The following ECHDC1 variants were observed in gnomAD, a reference collection of about 807,000 sequenced individuals.
ECHDC1 encodes the protein ethylmalonyl-CoA decarboxylase.
ECHDC1 carries 29 observed loss-of-function variants against 29.7 expected under a neutral mutation model. The ratio of observed to expected loss-of-function variants is 0.98; its 90% confidence interval spans 0.73 to 1.33. The LOEUF (loss-of-function observed/expected upper bound fraction) is 1.33, where lower values mean the gene tolerates loss of function less well. ECHDC1 is among the 40% of genes most tolerant of loss of function. The pLI is 0.00. For missense variants in ECHDC1, 328 were observed against 350.0 expected, an observed-to-expected ratio of 0.94 and a Z score of 0.50; for synonymous variants, 126 against 123.1, an observed-to-expected ratio of 1.02 and a Z score of -0.15.
At chr6:127,332,788 T>C (rs898242993) in intron 1 of ECHDC1, among the ~76,000 whole-genome samples, 4 of 152,062 alleles carry the variant, frequency 2.6e-5, no homozygotes, top group African/African-American at 9.7e-5. Context: ...GACTTGCTTT[T>C]TGGGGGCAGG....
At chr6:127,322,936 T>C (rs1486942934) in intron 3 of ECHDC1, among the ~76,000 whole-genome samples, 2 of 152,046 alleles carry the variant, frequency 1.3e-5, no homozygotes, top group African/African-American at 2.4e-5. Flanking sequence ...AATACATATA[T>C]ATAGGTTGAG....
intron 1 of ECHDC1, chr6:127,342,332 C>T (rs1322090137): frequency 2.6e-6 from 4 of 1,540,896 alleles, no homozygotes; most frequent in Non-Finnish European, 1.8e-6. Flanking sequence ...TCCAACTACC[C>T]TGTTTATAAT....
At chr6:127,302,770 A>G (rs1781150241) in intron 5 of ECHDC1, among the ~76,000 whole-genome samples, 1 of 152,178 alleles carries the variant, frequency 6.6e-6, no homozygotes, top group Non-Finnish European at 1.5e-5. Context: ...TATATATTTC[A>G]TAACTACCTG....
intron 2 of ECHDC1, among the ~76,000 whole-genome samples, chr6:127,327,937 T>C (rs990798528): frequency 2.2e-4 from 33 of 152,358 alleles, no homozygotes; most frequent in African/African-American, 7.9e-4. Context: ...GTTTTCAACA[T>C]GACTAGTTTT....
intron 5 of ECHDC1, chr6:127,294,823 G>C (rs1582926825): frequency 6.7e-6 from 1 of 148,352 alleles, no homozygotes; most frequent in Non-Finnish European, 1.5e-5. Context: ...CTCCTATTCA[G>C]AGTAAAGTTA....
intron 5 of ECHDC1, among the ~76,000 whole-genome samples, chr6:127,311,696 AAAG>A (rs1781936173): frequency 2.2e-5 from 2 of 89,596 alleles, no homozygotes; most frequent in East Asian, 3.5e-4. Flanking sequence ...AAAAAAAAAA[AAAG>A]AAAAGAAAAA....
In ECHDC1 at chr6:127,311,966, G is replaced by A. The variant is rs140255633; in HGVS notation, c.497+2850C>T. Among the ~76,000 whole-genome samples, 61 of 151,842 alleles carry A rather than the reference G, an allele frequency of 4.0e-4. No individual in the cohort carries two copies. In the East Asian group the frequency reaches 0.011, roughly 27 times the overall value. On this transcript the variant is annotated intron_variant, in intron 5 of 5. Transcript: ENST00000454859. ...ATATGGGAGTTATATGTATGATTTC[G>A]TCAAGTTTTTCATAAGTGTATAGTT...
intron 2 of ECHDC1, among the ~76,000 whole-genome samples, chr6:127,327,865 T>G (rs955452206): frequency 6.6e-6 from 1 of 152,246 alleles, no homozygotes; most frequent in Non-Finnish European, 1.5e-5. Flanking sequence ...CATTTTAAGA[T>G]CTAATCAATA....
chr6:127,316,393 G>C (rs1387584170), intron 4 of ECHDC1, 57 bp downstream of exon 4: 5 of 1,418,266 alleles, frequency 3.5e-6, no homozygotes, highest in Non-Finnish European at 4.9e-6. Flanking sequence ...TAATGGAATA[G>C]CAAAAAGCTA....
intron 5 of ECHDC1, among the ~76,000 whole-genome samples, chr6:127,297,116 T>A (rs766199245): frequency 3.9e-5 from 6 of 152,246 alleles, no homozygotes; most frequent in Non-Finnish European, 8.8e-5. Context: ...GTAGGCTCTG[T>A]TGACAAGGCT....
intron 1 of ECHDC1, among the ~76,000 whole-genome samples, chr6:127,333,012 C>T (rs1225349428): frequency 6.6e-6 from 1 of 152,194 alleles, no homozygotes; most frequent in African/African-American, 2.4e-5. Context: ...AGGCTGATCT[C>T]AAGTTCCTGG....
chr6:127,314,985 T>A, intron 4 of ECHDC1, 89 bp from the exon 5 acceptor site: 1 of 1,249,018 alleles, frequency 8.0e-7, no homozygotes, highest in Non-Finnish European at 1.2e-6. Flanking sequence ...TAAAATGCAG[T>A]GGAAACAAAA....
At chr6:127,326,474 T>G in intron 3 of ECHDC1, 1 of 438,244 alleles carries the variant, frequency 2.3e-6, no homozygotes, top group Non-Finnish European at 4.8e-6. Context: ...ATCGGTTCAT[T>G]AGTAGCAATA....
Position 127,289,714 on chromosome 6 carries a change from G to A in ECHDC1, c.*155C>T, listed in dbSNP as rs1779950455. 1.3e-6 allele frequency: 1 copy of A among 773,516 alleles called. No individual in the cohort carries two copies. Among genetic ancestry groups the A allele is most frequent in the Non-Finnish European group, 2.0e-6 (1 of 511,374 alleles). 47.9% of individuals were successfully genotyped at this position (773,516 alleles called of 1,614,324 possible). A position where few individuals can be genotyped will look rare whatever the true frequency, so the allele number is the denominator to read the frequency against. On this transcript the variant is annotated 3_prime_UTR_variant, in exon 6 of 6. Coordinates refer to ENST00000454859, the MANE Select transcript of ECHDC1 (RefSeq NM_001002030.2). ...CAAGTGAGTAATTGGCAAGAAATGA[G>A]GTAAATGAGTTCAGATATTCAAATG...
chr6:127,341,118 T>C (rs1784904697), intron 1 of ECHDC1, among the ~76,000 whole-genome samples: 1 of 152,234 alleles, frequency 6.6e-6, no homozygotes, highest in Non-Finnish European at 1.5e-5. Context: ...ATCCTTTCTC[T>C]ATTAATTCCA....
intron 5 of ECHDC1, among the ~76,000 whole-genome samples, chr6:127,290,544 T>C (rs1216851120): frequency 1.3e-5 from 2 of 152,068 alleles, no homozygotes; most frequent in African/African-American, 4.8e-5. Context: ...AGTTGATCTT[T>C]CTTAAGTGAG....
intron 5 of ECHDC1, among the ~76,000 whole-genome samples, chr6:127,298,002 T>C (rs1314252632): frequency 1.3e-5 from 2 of 152,100 alleles, no homozygotes; most frequent in Non-Finnish European, 2.9e-5. Context: ...CCCCAGACCA[T>C]TTCAACATCA....
intron 5 of ECHDC1, among the ~76,000 whole-genome samples, chr6:127,291,177 G>C (rs1417206211): frequency 6.6e-6 from 1 of 151,768 alleles, no homozygotes; most frequent in African/African-American, 2.4e-5. Flanking sequence ...AAGTTATTTA[G>C]AGGAGGTCAA....
intron 5 of ECHDC1, among the ~76,000 whole-genome samples, chr6:127,302,177 C>T (rs2114578674): frequency 6.6e-6 from 1 of 152,176 alleles, no homozygotes; most frequent in East Asian, 1.9e-4. Context: ...GATTATTTTT[C>T]CTGCTATTGT....
Sources: gnomAD v4.1 joint callset for allele counts (sites outside exome capture counted in the v4.1 genomes callset) on GRCh38, gnomAD v4.1.1 for gene constraint, MANE v1.5 for transcripts, NCBI Gene and HGNC (gene_info 2026-07-23, HGNC 2026-07-21) for gene names.